XXYLT1: variants seen among roughly 807,000 people sequenced by gnomAD.
XXYLT1 encodes UDP-xylose:alpha-xyloside alpha-1,3-xylosyltransferase.
In XXYLT1, 20 loss-of-function variants were observed where a neutral mutation model predicts 28.9. That is an observed-to-expected ratio of 0.69 (90% CI 0.49 to 1.00). XXYLT1 has a LOEUF of 1.00. XXYLT1 is among the 50% of genes least tolerant of loss of function. The pLI, the probability that XXYLT1 is intolerant of heterozygous loss-of-function variation, is 0.00. For synonymous variants in XXYLT1, 257 were observed against 253.8 expected (o/e 1.01, Z -0.12); for missense variants, 542 against 560.1 (o/e 0.97, Z 0.33).
chr3:195,227,116 G>A (rs1227195050), intron 1 of XXYLT1, among the ~76,000 whole-genome samples: 1 of 152,176 alleles, frequency 6.6e-6, no homozygotes, highest in Non-Finnish European at 1.5e-5. Context: ...GCTGTGCAGT[G>A]GAAGAGAAGT....
intron 1 of XXYLT1, among the ~76,000 whole-genome samples, chr3:195,242,796 T>C (rs1187946190): frequency 2.0e-5 from 3 of 152,180 alleles, no homozygotes; most frequent in African/African-American, 7.2e-5. Context: ...CAAGGTGTTA[T>C]CTGGAGGTGG....
At chr3:195,134,977 G>A (rs1042689687) in intron 3 of XXYLT1, among the ~76,000 whole-genome samples, 3 of 152,208 alleles carry the variant, frequency 2.0e-5, no homozygotes, top group African/African-American at 7.2e-5. Flanking sequence ...ACTTTTGTGG[G>A]GAAAGGTGTG....
At chr3:195,162,407 T>C (rs763468613) in intron 2 of XXYLT1, among the ~76,000 whole-genome samples, 13 of 152,212 alleles carry the variant, frequency 8.5e-5, no homozygotes, top group Non-Finnish European at 1.8e-4. Flanking sequence ...ACAGAGTTCA[T>C]AGAGTGATTT....
At chr3:195,104,088 G>A (rs1326611693) in intron 3 of XXYLT1, among the ~76,000 whole-genome samples, 1 of 152,150 alleles carries the variant, frequency 6.6e-6, no homozygotes, top group Non-Finnish European at 1.5e-5. Context: ...TTTAGAATGG[G>A]AGCAATGGGG....
intron 2 of XXYLT1, among the ~76,000 whole-genome samples, chr3:195,166,073 G>A (rs1489826356): frequency 6.6e-6 from 1 of 151,910 alleles, no homozygotes; most frequent in East Asian, 1.9e-4. Flanking sequence ...CCCCTGTGCT[G>A]AGAATCCAGG....
intron 3 of XXYLT1, among the ~76,000 whole-genome samples, chr3:195,071,992 G>A (rs909466252): frequency 2.0e-5 from 3 of 151,552 alleles, no homozygotes; most frequent in Non-Finnish European, 4.4e-5. Context: ...GCTCCACGGA[G>A]CCCACGTGTC....
chr3:195,165,836 T>G (rs1721092538), intron 2 of XXYLT1, among the ~76,000 whole-genome samples: 1 of 152,178 alleles, frequency 6.6e-6, no homozygotes, highest in Non-Finnish European at 1.5e-5. Context: ...TAGCATCATC[T>G]AGGAGATAAT....
At position 195,115,723 on chromosome 3, in the gene XXYLT1, G is replaced by A. The variant is rs561911311; in HGVS notation, c.785+40726C>T. Among the ~76,000 whole-genome samples the A allele has an allele frequency of 5.9e-5, 9 of 151,834 alleles. No individual in the cohort carries two copies. In the East Asian group the frequency reaches 1.4e-3, roughly 23 times the overall value. On this transcript the variant is annotated intron_variant, in intron 3 of 3. Coordinates refer to ENST00000310380, the MANE Select transcript of XXYLT1 (RefSeq NM_152531.5). This position sits in a 1 kb window ranked among gnomAD's most constrained non-coding sequence, Gnocchi z 4.2. ...TGTGCGCTCTCACCTTTGAGCTGAGGTGTTCACGTCCGAGGTGGAGGAAGG... is the reference window on the plus strand; with the variant it reads ...TGTGCGCTCTCACCTTTGAGCTGAGATGTTCACGTCCGAGGTGGAGGAAGG...
At position 195,115,229 on chromosome 3, in the gene XXYLT1, C is replaced by T. The variant is rs1260276486; in HGVS notation, c.785+41220G>A. On this transcript the variant is annotated intron_variant, in intron 3 of 3. Transcript: ENST00000310380. This position sits in a 1 kb window ranked among gnomAD's most constrained non-coding sequence, Gnocchi z 4.2. ...CTTCTGGCTGTCACTGCTGGTTAGA[C>T]GGTCCCAGTCACCTTGAACCCAGGT... is the stretch of plus-strand genomic sequence containing the variant. Among the ~76,000 whole-genome samples the T allele has an allele frequency of 2.6e-5, 4 of 152,300 alleles. No homozygotes were observed. Among genetic ancestry groups the T allele is most frequent in the South Asian group, 4.1e-4 (2 of 4,830 alleles).
At chr3:195,194,900 C>G (rs957208749) in intron 2 of XXYLT1, among the ~76,000 whole-genome samples, 1 of 152,070 alleles carries the variant, frequency 6.6e-6, no homozygotes, top group Admixed American at 6.6e-5. Context: ...TTGCCCATGG[C>G]TAGGGTAGGA....
intron 3 of XXYLT1, among the ~76,000 whole-genome samples, chr3:195,101,831 G>A (rs1338874896): frequency 6.7e-6 from 1 of 149,228 alleles, no homozygotes; most frequent in Non-Finnish European, 1.5e-5. Flanking sequence ...AGGGAGGGGA[G>A]GGGAGGAGAG....
Position 195,257,884 on chromosome 3 carries a change from T to C in XXYLT1, c.504+12671A>G, listed in dbSNP as rs1194434265. On this transcript the variant is annotated intron_variant, in intron 1 of 3. Transcript: ENST00000310380. This position sits in a 1 kb window ranked among gnomAD's most constrained non-coding sequence, Gnocchi z 4.3. ...ACCCACGTATCATGGGTGTATATCCTCCAAGCTCCCTGCCCCCCAGCCAGC... is the reference window on the plus strand; with the variant it reads ...ACCCACGTATCATGGGTGTATATCCCCCAAGCTCCCTGCCCCCCAGCCAGC... 6.6e-6 allele frequency among the ~76,000 whole-genome samples: 1 copy of C among 151,966 alleles called. No homozygotes were observed. The highest frequency in any genetic ancestry group is 2.4e-5 in the African/African-American group (1 of 41,382).
At chr3:195,201,943 C>T (rs1577139925) in intron 2 of XXYLT1, among the ~76,000 whole-genome samples, 1 of 152,152 alleles carries the variant, frequency 6.6e-6, no homozygotes. Context: ...CTTTGGGAGG[C>T]CAAGGTGGGC....
At chr3:195,170,802 C>T (rs942452926) in intron 2 of XXYLT1, among the ~76,000 whole-genome samples, 4 of 151,894 alleles carry the variant, frequency 2.6e-5, no homozygotes, top group Admixed American at 6.6e-5. Flanking sequence ...TAGCACTTCG[C>T]GAGGCCAAGG....
chr3:195,118,375 C>G (rs145269608), intron 3 of XXYLT1, among the ~76,000 whole-genome samples: 2 of 152,068 alleles, frequency 1.3e-5, no homozygotes, highest in South Asian at 4.1e-4. Flanking sequence ...CCCCATGGCC[C>G]GTGGCCACCA....
intron 1 of XXYLT1, chr3:195,247,985 A>C: frequency 1.8e-6 from 1 of 541,252 alleles, no homozygotes; most frequent in African/African-American, 1.9e-5. Context: ...CCTTCCTCTG[A>C]CACGTGGGGA....
At chr3:195,120,869 C>T (rs1718319263) in intron 3 of XXYLT1, among the ~76,000 whole-genome samples, 3 of 152,200 alleles carry the variant, frequency 2.0e-5, no homozygotes, top group African/African-American at 7.2e-5. Flanking sequence ...GTCAGGCCAG[C>T]CCCCGCCCTG....
chr3:195,116,864 G>T (rs1718068189), intron 3 of XXYLT1, among the ~76,000 whole-genome samples: 1 of 152,090 alleles, frequency 6.6e-6, no homozygotes, highest in African/African-American at 2.4e-5. Context: ...GGTGATTGGG[G>T]GAAGAGCAAT....
At chr3:195,263,333 G>A (rs532651957) in intron 1 of XXYLT1, among the ~76,000 whole-genome samples, 4 of 152,326 alleles carry the variant, frequency 2.6e-5, no homozygotes, top group African/African-American at 7.2e-5. Context: ...TTTAAAGGGT[G>A]TCCCCTGGAA....
Sources: allele counts gnomAD v4.1 joint callset (sites outside exome capture counted in the v4.1 genomes callset), GRCh38; gene constraint gnomAD v4.1.1; non-coding constraint Gnocchi (gnomAD v3.1); transcripts MANE v1.5; gene names NCBI Gene and HGNC (gene_info 2026-07-23, HGNC 2026-07-21).